Variants in SLC35D4 observed in about 807,000 individuals in gnomAD.
SLC35D4 encodes the protein solute carrier family 35 member D4.
chr18:23,400,762 C>T, the SLC35D4 span, among the ~76,000 whole-genome samples: 1 of 152,210 alleles, frequency 6.6e-6, no homozygotes, highest in Non-Finnish European at 1.5e-5. Context: ...GAACTGATCT[C>T]CTGGAATGAT....
the SLC35D4 span, among the ~76,000 whole-genome samples, chr18:23,254,622 G>A: frequency 6.6e-6 from 1 of 152,170 alleles, no homozygotes; most frequent in Non-Finnish European, 1.5e-5. Flanking sequence ...TCATAGTTTT[G>A]GAGGCTGGGA....
At chr18:23,419,023 G>GA in the SLC35D4 span, among the ~76,000 whole-genome samples, 45 of 148,542 alleles carry the variant, frequency 3.0e-4, no homozygotes, top group African/African-American at 7.9e-4. Context: ...CCAAAAAAAA[G>GA]AAAAAAAAAA....
the SLC35D4 span, among the ~76,000 whole-genome samples, chr18:23,321,180 T>C: frequency 2.0e-4 from 30 of 152,354 alleles, no homozygotes; most frequent in South Asian, 1.9e-3. Flanking sequence ...TTACTCAGTA[T>C]AGCTAGGAAG....
At chr18:23,382,006 G>A in the SLC35D4 span, among the ~76,000 whole-genome samples, 17 of 152,168 alleles carry the variant, frequency 1.1e-4, no homozygotes, top group African/African-American at 3.9e-4. Context: ...TTGGGAGGCT[G>A]AGGTGGGCGG....
the SLC35D4 span, among the ~76,000 whole-genome samples, chr18:23,354,658 C>T: frequency 6.6e-6 from 1 of 152,144 alleles, no homozygotes; most frequent in South Asian, 2.1e-4. Context: ...AGGTGCCTGC[C>T]CAACCTCCCA....
chr18:23,322,137 A>C, the SLC35D4 span, among the ~76,000 whole-genome samples: 36 of 152,130 alleles, frequency 2.4e-4, no homozygotes, highest in Non-Finnish European at 4.8e-4. Flanking sequence ...TGAGACTCTA[A>C]TTTTTTAAAA....
At chr18:23,245,193 T>C in the SLC35D4 span, among the ~76,000 whole-genome samples, 1 of 152,108 alleles carries the variant, frequency 6.6e-6, no homozygotes, top group African/African-American at 2.4e-5. Flanking sequence ...TCATGACAAG[T>C]CAAGACTTTG....
chr18:23,327,929 A>G, the SLC35D4 span, among the ~76,000 whole-genome samples: 1 of 152,224 alleles, frequency 6.6e-6, no homozygotes, highest in Non-Finnish European at 1.5e-5. Context: ...AATCCATCAC[A>G]TGAACAGAAC....
At chr18:23,325,230 C>T in the SLC35D4 span, among the ~76,000 whole-genome samples, 1 of 152,126 alleles carries the variant, frequency 6.6e-6, no homozygotes, top group African/African-American at 2.4e-5. Flanking sequence ...AAATTCTGTT[C>T]TTTCCCTTAT....
the SLC35D4 span, among the ~76,000 whole-genome samples, chr18:23,242,089 A>G: frequency 2.0e-5 from 3 of 152,188 alleles, no homozygotes; most frequent in Non-Finnish European, 4.4e-5. Flanking sequence ...CAGCCTGACC[A>G]ACGTGGTGAA....
the SLC35D4 span, among the ~76,000 whole-genome samples, chr18:23,318,206 T>C: frequency 1.3e-5 from 2 of 152,224 alleles, no homozygotes; most frequent in African/African-American, 4.8e-5. Context: ...TAAGCATCTT[T>C]TTCCTGGGCT....
chr18:23,267,271 C>T, the SLC35D4 span, among the ~76,000 whole-genome samples: 23 of 152,262 alleles, frequency 1.5e-4, no homozygotes, highest in South Asian at 2.9e-3. Flanking sequence ...CGCTGTCCAG[C>T]GTGCACATGG....
the SLC35D4 span, among the ~76,000 whole-genome samples, chr18:23,305,494 C>G: frequency 6.6e-6 from 1 of 152,160 alleles, no homozygotes; most frequent in African/African-American, 2.4e-5. Flanking sequence ...ATCTCTGGAC[C>G]TCAGCTTCTT....
the SLC35D4 span, among the ~76,000 whole-genome samples, chr18:23,350,919 C>T: frequency 5.9e-5 from 9 of 152,226 alleles, no homozygotes; most frequent in South Asian, 2.1e-4. Context: ...TGAACAAATG[C>T]GTCTCAATTT....
the SLC35D4 span, among the ~76,000 whole-genome samples, chr18:23,402,794 G>A: frequency 6.9e-6 from 1 of 145,046 alleles, no homozygotes; most frequent in Non-Finnish European, 1.5e-5. Flanking sequence ...GCAGGGGTAA[G>A]ACCTTGTCTT....
chr18:23,275,170 G>A, the SLC35D4 span, among the ~76,000 whole-genome samples: 918 of 152,016 alleles, frequency 6.0e-3, 8 homozygotes, highest in South Asian at 0.015. Flanking sequence ...AGGGTGCAGG[G>A]AGGGGCAGCA....
the SLC35D4 span, among the ~76,000 whole-genome samples, chr18:23,392,158 G>A: frequency 2.0e-5 from 3 of 151,930 alleles, no homozygotes; most frequent in Non-Finnish European, 4.4e-5. Context: ...GGCTGGTCTC[G>A]AACTCCCAAC....
the SLC35D4 span, among the ~76,000 whole-genome samples, chr18:23,345,198 T>C: frequency 6.6e-6 from 1 of 151,856 alleles, no homozygotes. Context: ...GAAAAAACAA[T>C]CCTGGCCAGG....
At chr18:23,247,999 C>T in the SLC35D4 span, among the ~76,000 whole-genome samples, 21 of 152,232 alleles carry the variant, frequency 1.4e-4, no homozygotes, top group Non-Finnish European at 1.9e-4. Flanking sequence ...TGTCAGGAAA[C>T]GGAGTCCCCA....
Sources: gnomAD v4.1 joint callset for allele counts (sites outside exome capture counted in the v4.1 genomes callset) on GRCh38, gnomAD v4.1.1 for gene constraint, MANE v1.5 for transcripts, NCBI Gene and HGNC (gene_info 2026-07-23, HGNC 2026-07-21) for gene names.